The following DLGAP1 variants were observed in gnomAD, a reference collection of about 807,000 sequenced individuals.
DLGAP1 encodes the protein DLG associated protein 1.
In DLGAP1, 11 loss-of-function variants were observed where a neutral mutation model predicts 90.8. The ratio of observed to expected loss-of-function variants is 0.12; its 90% CI spans 0.08 to 0.20. The LOEUF (loss-of-function observed/expected upper bound fraction) is 0.20, where lower values mean the gene tolerates loss of function less well. DLGAP1 is among the 10% of genes least tolerant of loss of function. The probability of loss-of-function intolerance (pLI) is 1.00; values close to 1 mark genes in which losing one functional copy is unlikely to be tolerated. For synonymous variants in DLGAP1, 558 were observed against 540.7 expected (o/e 1.03, Z -0.44); for missense variants, 1,050 against 1,333.8 (o/e 0.79, Z 3.31).
chr18:3,516,021 C>T (rs2050824848), intron 10 of DLGAP1, among the ~76,000 whole-genome samples: 1 of 152,124 alleles, frequency 6.6e-6, no homozygotes, highest in Non-Finnish European at 1.5e-5. Flanking sequence ...ACAGGCTTCA[C>T]TTCGCATTCT....
chr18:3,974,965 G>A (rs1295059351), intron 3 of DLGAP1, among the ~76,000 whole-genome samples: 1 of 152,078 alleles, frequency 6.6e-6, no homozygotes, highest in Non-Finnish European at 1.5e-5. Context: ...CTTATATGAG[G>A]TAACTAAAGT....
chr18:4,443,930 T>G (rs1329705916), intron 1 of DLGAP1, among the ~76,000 whole-genome samples: 1 of 152,230 alleles, frequency 6.6e-6, no homozygotes, highest in Non-Finnish European at 1.5e-5. Context: ...AACCTTTCCC[T>G]TAGTGAAAAC....
intron 2 of DLGAP1, among the ~76,000 whole-genome samples, chr18:4,007,157 A>G (rs2074319577): frequency 6.6e-6 from 1 of 152,084 alleles, no homozygotes; most frequent in African/African-American, 2.4e-5. Flanking sequence ...ATATTTCGAA[A>G]AGACTCCCAG....
At chr18:4,160,877 C>T (rs2076832692) in intron 1 of DLGAP1, among the ~76,000 whole-genome samples, 1 of 152,034 alleles carries the variant, frequency 6.6e-6, no homozygotes, top group African/African-American at 2.4e-5. Context: ...TTATCATTAT[C>T]CCATTCTACA....
At position 4,342,556 on chromosome 18, in the gene DLGAP1, G is replaced by T. The variant is rs1334075344; in HGVS notation, c.-267+112450C>A. 6.6e-6 allele frequency among the ~76,000 whole-genome samples: 1 copy of T among 152,080 alleles called. No homozygotes were observed. The highest frequency in any genetic ancestry group is 2.4e-5 in the African/African-American group (1 of 41,422). On this transcript the variant is annotated intron_variant, in intron 1 of 12. Coordinates refer to ENST00000315677, the MANE Select transcript of DLGAP1 (RefSeq NM_004746.4). The surrounding 1 kb of genome is among the most constrained non-coding windows in gnomAD (Gnocchi z 5.8). ...TGGTGCATTTACTTGTAAATGCTTT[G>T]ATGAAATAATTTAATTACATCATTC... is the stretch of plus-strand genomic sequence containing the variant.
chr18:4,268,318 A>T (rs1343793956), intron 1 of DLGAP1, among the ~76,000 whole-genome samples: 1 of 152,234 alleles, frequency 6.6e-6, no homozygotes, highest in East Asian at 1.9e-4. Context: ...AAAGGAATAA[A>T]CAGTATTTTT....
intron 5 of DLGAP1, 111 bp downstream of exon 5, chr18:3,813,948 C>T (rs2066965044): frequency 1.9e-6 from 2 of 1,043,348 alleles, no homozygotes; most frequent in Non-Finnish European, 2.9e-6. Context: ...TACTGCACTG[C>T]TCCACCTGTA....
intron 7 of DLGAP1, among the ~76,000 whole-genome samples, chr18:3,714,312 A>T (rs1423169486): frequency 6.6e-6 from 1 of 152,166 alleles, no homozygotes; most frequent in African/African-American, 2.4e-5. Flanking sequence ...ATCACTACAA[A>T]CTACATGCTG....
chr18:3,743,981 A>G (rs2063165718), intron 5 of DLGAP1, among the ~76,000 whole-genome samples: 1 of 152,132 alleles, frequency 6.6e-6, no homozygotes, highest in South Asian at 2.1e-4. Flanking sequence ...TTCTTTTCAC[A>G]TGGTATTAGT....
At chr18:3,536,068 A>AC (rs2144535334) in intron 9 of DLGAP1, among the ~76,000 whole-genome samples, 1 of 151,980 alleles carries the variant, frequency 6.6e-6, no homozygotes, top group Non-Finnish European at 1.5e-5. Flanking sequence ...ACATAACCTA[A>AC]CCTGGACCAA....
intron 1 of DLGAP1, among the ~76,000 whole-genome samples, chr18:4,353,281 T>C (rs2081437890): frequency 6.6e-6 from 1 of 152,142 alleles, no homozygotes; most frequent in South Asian, 2.1e-4. Flanking sequence ...CAGTAAAGGC[T>C]TCCCACTGAG....
intron 3 of DLGAP1, among the ~76,000 whole-genome samples, chr18:3,963,593 T>G (rs868301769): frequency 0.014 from 2,151 of 151,720 alleles, 54 homozygotes; most frequent in African/African-American, 0.049. Flanking sequence ...GTTTTTTTTT[T>G]TTTTTTTTTT....
intron 5 of DLGAP1, among the ~76,000 whole-genome samples, chr18:3,774,910 C>T (rs1424813103): frequency 6.6e-6 from 1 of 152,128 alleles, no homozygotes; most frequent in Non-Finnish European, 1.5e-5. Flanking sequence ...AACAACCACC[C>T]CCTTCCTCCC....
intron 5 of DLGAP1, among the ~76,000 whole-genome samples, chr18:3,800,636 G>A (rs966576248): frequency 1.3e-5 from 2 of 151,640 alleles, no homozygotes; most frequent in Non-Finnish European, 2.9e-5. Context: ...CCTCTATGGA[G>A]GGCTAAAAAG....
At chr18:3,506,513 C>CAAAAAA (rs11316330) in intron 11 of DLGAP1, among the ~76,000 whole-genome samples, 8 of 69,634 alleles carry the variant, frequency 1.1e-4, no homozygotes, top group Non-Finnish European at 1.3e-4. Context: ...GACTCCGTCT[C>CAAAAAA]AAAAAAAAAA....
At chr18:4,341,035 T>C (rs755181549) in intron 1 of DLGAP1, among the ~76,000 whole-genome samples, 68 of 152,182 alleles carry the variant, frequency 4.5e-4, no homozygotes, top group Admixed American at 3.4e-3. Context: ...AGTTTTGATA[T>C]TATTTAAGAG....
chr18:4,088,796 A>T (rs1483346712), intron 2 of DLGAP1, among the ~76,000 whole-genome samples: 1 of 152,286 alleles, frequency 6.6e-6, no homozygotes, highest in Non-Finnish European at 1.5e-5. Flanking sequence ...TGGAAGGGAC[A>T]TATCTCAAAA....
At chr18:3,732,417 T>C (rs2062469471) in intron 6 of DLGAP1, among the ~76,000 whole-genome samples, 1 of 152,244 alleles carries the variant, frequency 6.6e-6, no homozygotes, top group African/African-American at 2.4e-5. Context: ...AACTACTAGT[T>C]GGAATATTCT....
At chr18:4,262,916 C>CTAT (rs569714521) in intron 1 of DLGAP1, among the ~76,000 whole-genome samples, 27 of 151,844 alleles carry the variant, frequency 1.8e-4, no homozygotes, top group East Asian at 5.8e-4. Context: ...ATATTGCCTT[C>CTAT]TATTATTATT....
Sources: gnomAD v4.1 joint callset for allele counts (sites outside exome capture counted in the v4.1 genomes callset) on GRCh38, gnomAD v4.1.1 for gene constraint, Gnocchi (gnomAD v3.1) non-coding constraint, MANE v1.5 for transcripts, NCBI Gene and HGNC (gene_info 2026-07-23, HGNC 2026-07-21) for gene names.